The following TOR1AIP2 variants were observed in gnomAD, a reference collection of about 807,000 sequenced individuals.
TOR1AIP2 encodes torsin 1A interacting protein 2.
In TOR1AIP2, 20 loss-of-function variants were observed where a neutral mutation model predicts 32.6. The ratio of observed to expected loss-of-function variants is 0.61; its 90% CI spans 0.43 to 0.89. The LOEUF is 0.89. TOR1AIP2 is among the 40% of genes least tolerant of loss of function. TOR1AIP2 has a pLI of 0.00. For missense variants in TOR1AIP2, 456 were observed against 553.8 expected (o/e 0.82, Z 1.77); for synonymous variants, 214 against 210.8 (o/e 1.02, Z -0.13).
intron 3 of TOR1AIP2, chr1:179,860,599 G>C (rs1696483610): frequency 1.0e-6 from 1 of 985,202 alleles, no homozygotes. Context: ...CCATATGTTT[G>C]GTATATGTTA....
intron 2 of TOR1AIP2, chr1:179,868,351 G>C (rs1696871798): frequency 6.6e-6 from 1 of 152,052 alleles, no homozygotes; most frequent in Non-Finnish European, 1.5e-5. Context: ...CTGAAAGCAG[G>C]ACATTTTACC....
At chr1:179,868,381 T>C (rs889705170) in intron 2 of TOR1AIP2, 1 of 152,228 alleles carries the variant, frequency 6.6e-6, no homozygotes, top group Non-Finnish European at 1.5e-5. Flanking sequence ...ACTGCTATAG[T>C]GTCCAATAAA....
chr1:179,847,514 T>TA (rs1343142790), intron 6 of TOR1AIP2, 21 bp downstream of exon 6: 1 of 1,550,296 alleles, frequency 6.5e-7, no homozygotes, highest in African/African-American at 1.4e-5. Flanking sequence ...AACACTGCAG[T>TA]AAAACCAGGT....
chr1:179,867,149 A>G (rs902855000), intron 2 of TOR1AIP2, among the ~76,000 whole-genome samples: 1 of 152,226 alleles, frequency 6.6e-6, no homozygotes, highest in Admixed American at 6.5e-5. Context: ...CAGATTTTAA[A>G]ATGGTAAATT....
chr1:179,861,383 GCTT>G (rs1209547440), intron 3 of TOR1AIP2: 1 of 985,260 alleles, frequency 1.0e-6, no homozygotes, highest in Non-Finnish European at 1.2e-6. Flanking sequence ...TTGTTCAAAG[GCTT>G]CCTCAATTTT....
intron 3 of TOR1AIP2, among the ~76,000 whole-genome samples, chr1:179,856,186 A>G (rs1696295583): frequency 1.3e-5 from 2 of 152,218 alleles, no homozygotes; most frequent in Admixed American, 1.3e-4. Context: ...AAAAGAAAAA[A>G]AAATGTTTAA....
chr1:179,865,243 C>G, intron 3 of TOR1AIP2, 193 bp downstream of exon 3: 1 of 1,513,830 alleles, frequency 6.6e-7, no homozygotes, highest in Non-Finnish European at 8.8e-7. Context: ...GAGAGAGACG[C>G]CCAAACACCA....
chr1:179,840,837 T>C lies in TOR1AIP2; in HGVS notation c.*5234A>G, dbSNP rs1208064226. The C allele has an allele frequency of 1.3e-5, 2 of 151,548 alleles. No homozygotes were observed. The highest frequency in any genetic ancestry group is 1.3e-4 in the Admixed American group (2 of 15,212). 9.4% of individuals were successfully genotyped at this position (151,548 alleles called of 1,614,324 possible). On this transcript the variant is annotated 3_prime_UTR_variant, in exon 7 of 7. Coordinates refer to ENST00000609928, the MANE Select transcript of TOR1AIP2 (RefSeq NM_001199260.2). ...GCAGCAAACCACCATGGCACGTGTA[T>C]ACCTATGTTAACAAACCTGCATGTT...
chr1:179,860,885 CAT>C (rs1696503002), intron 3 of TOR1AIP2: 2 of 985,340 alleles, frequency 2.0e-6, no homozygotes. Flanking sequence ...ACAGCTATGA[CAT>C]GTGGACTGCC....
chr1:179,850,750 C>G (rs927335394), intron 5 of TOR1AIP2, 95 bp downstream of exon 5: 87 of 1,473,598 alleles, frequency 5.9e-5, no homozygotes, highest in Non-Finnish European at 7.8e-5. Context: ...TGAAAGATGA[C>G]AAAAGTTCTC....
intron 5 of TOR1AIP2, among the ~76,000 whole-genome samples, chr1:179,849,070 A>C (rs530307172): frequency 6.6e-6 from 1 of 152,212 alleles, no homozygotes; most frequent in East Asian, 1.9e-4. Flanking sequence ...CGGGAGGCGG[A>C]GCTTGCAGTG....
rs373224532 is a variant in TOR1AIP2 at position 179,857,039 on chromosome 1, CTT to C, written c.-146-4230_-146-4229del. Among the ~76,000 whole-genome samples, 439 of 152,346 alleles carry C rather than the reference CTT, an allele frequency of 2.9e-3. 2 individuals carry two copies. The highest frequency in any genetic ancestry group is 0.01 in the African/African-American group (428 of 41,576). ...TGAAGGAAAATGCAGTAGCTGGAGACTTTCTACAGCTGTAGGGAAAACCACTC... is the reference window on the plus strand; with the variant it reads ...TGAAGGAAAATGCAGTAGCTGGAGACTCTACAGCTGTAGGGAAAACCACTC... On this transcript the variant is annotated intron_variant, in intron 3 of 6. Coordinates refer to ENST00000609928, the MANE Select transcript of TOR1AIP2 (RefSeq NM_001199260.2).
Position 179,846,391 on chromosome 1 carries a change from G to A in TOR1AIP2, c.1093C>T (p.His365Tyr), listed in dbSNP as rs1183676207. The A allele has an allele frequency of 2.5e-6, 4 of 1,614,084 alleles. No homozygotes were observed. The highest frequency in any genetic ancestry group is 1.1e-5 in the South Asian group (1 of 91,088). Residue 365 changes from histidine to tyrosine, a missense_variant, in exon 7 of 7, where the codon CAC (histidine) becomes TAC (tyrosine). Physicochemically the swap from His to Tyr is moderately conservative, Grantham distance 83. Coordinates refer to ENST00000609928, the MANE Select transcript of TOR1AIP2 (RefSeq NM_001199260.2). ...FENGQKAAVV[H>Y]HFESFPAGST... Reference sequence around the variant, plus strand: ...CCGGCAGGGAAGGATTCGAAGTGGTGTACCACAGCAGCCTTCTGGCCATTC... The same window carrying A: ...CCGGCAGGGAAGGATTCGAAGTGGTATACCACAGCAGCCTTCTGGCCATTC...
chr1:179,862,261 A>T (rs1239281002), intron 3 of TOR1AIP2: 20 of 978,188 alleles, frequency 2.0e-5, no homozygotes, highest in Non-Finnish European at 2.4e-5. Context: ...GTTTCTTAGT[A>T]TATGTCCTTG....
chr1:179,850,343 C>T (rs570316006), intron 5 of TOR1AIP2, among the ~76,000 whole-genome samples: 5 of 152,238 alleles, frequency 3.3e-5, no homozygotes, highest in East Asian at 3.9e-4. Context: ...GAAAAAACCA[C>T]GTATAGAGAA....
chr1:179,875,896 G>A (rs972332610), intron 2 of TOR1AIP2: 1 of 152,174 alleles, frequency 6.6e-6, no homozygotes. Flanking sequence ...GGTAATATAT[G>A]ATCGCCCTAT....
intron 3 of TOR1AIP2, among the ~76,000 whole-genome samples, chr1:179,855,689 G>A (rs1380044307): frequency 1.3e-5 from 2 of 152,084 alleles, no homozygotes; most frequent in East Asian, 1.9e-4. Context: ...ATTTTTAGAC[G>A]TATAATAGAG....
intron 3 of TOR1AIP2, chr1:179,860,513 C>T (rs1696480775): frequency 2.0e-6 from 2 of 985,338 alleles, no homozygotes; most frequent in South Asian, 4.7e-5. Flanking sequence ...TAAGACTCTA[C>T]CTTATTCCCC....
rs1260316695 is a variant in TOR1AIP2, at chr1:179,842,761, T to C, written c.*3310A>G. On this transcript the variant is annotated 3_prime_UTR_variant, in exon 7 of 7. Coordinates refer to ENST00000609928, the MANE Select transcript of TOR1AIP2 (RefSeq NM_001199260.2). ...AATCTGAAACCTTAAAAAATGTCAATAGGCCGGGTGCGGTGGCTCACGCCT... is the reference window on the plus strand; with the variant it reads ...AATCTGAAACCTTAAAAAATGTCAACAGGCCGGGTGCGGTGGCTCACGCCT... 1 of 152,130 alleles carries C rather than the reference T, an allele frequency of 6.6e-6. No individual in the cohort carries two copies. Among genetic ancestry groups the C allele is most frequent in the African/African-American group, 2.4e-5 (1 of 41,428 alleles). The allele number at this position is 152,130 out of a possible 1,614,324, so 9.4% of individuals were successfully genotyped here.
Sources: allele counts gnomAD v4.1 joint callset (sites outside exome capture counted in the v4.1 genomes callset), GRCh38; gene constraint gnomAD v4.1.1; transcripts MANE v1.5; gene names NCBI Gene and HGNC (gene_info 2026-07-23, HGNC 2026-07-21).